The following USP54 variants were observed in gnomAD, a reference collection of about 807,000 sequenced individuals.
The protein encoded by USP54 is ubiquitin carboxyl-terminal hydrolase 54.
USP54 carries 87 observed loss-of-function variants against 170.5 expected under a neutral mutation model. The ratio of observed to expected loss-of-function variants is 0.51; its 90% confidence interval spans 0.43 to 0.61. The LOEUF is 0.61. Ranked by LOEUF, USP54 falls within the 20% of genes least tolerant of loss-of-function variation. The pLI is 0.00. For missense variants in USP54, 1,786 were observed against 2,047.8 expected, an observed-to-expected ratio of 0.87 and a Z score of 2.47; for synonymous variants, 655 against 742.8, an observed-to-expected ratio of 0.88 and a Z score of 1.92.
chr10:73,510,911 G>A (rs1224931100), intron 20 of USP54, among the ~76,000 whole-genome samples: 3 of 152,012 alleles, frequency 2.0e-5, no homozygotes, highest in Admixed American at 1.3e-4. Flanking sequence ...TAGGAACTAC[G>A]ATTATGTCAA....
Position 73,500,856 on chromosome 10 carries a change from C to T in USP54, c.4312-18G>A, listed in dbSNP as rs201611515. The T allele has an allele frequency of 1.0e-5, 16 of 1,580,758 alleles. No individual in the cohort carries two copies. In the Admixed American group the frequency reaches 1.8e-4, roughly 17 times the overall value. ...GATGAATCCTTATAATGAGACAAGA[C>T]AAAAAAACATAGAGATGAGGATTAA... On this transcript the variant is annotated intron_variant, in intron 22 of 23. Coordinates refer to ENST00000687698, the MANE Select transcript of USP54 (RefSeq NM_001391956.1).
Position 73,539,582 on chromosome 10 carries a change from T to G in USP54, c.837A>C (p.Arg279Ser). 6.3e-7 allele frequency: 1 copy of G among 1,598,310 alleles called. No homozygotes were observed. Among genetic ancestry groups the G allele is most frequent in the Non-Finnish European group, 8.5e-7 (1 of 1,169,900 alleles). The change falls in exon 10 of 24, where the codon AGA becomes AGC. Residue 279 changes from arginine to serine, a missense_variant. Transcript: ENST00000687698. ...TCLKLGDLFFRVTDDRAKQSE... is the reference protein window; with the variant it reads ...TCLKLGDLFFSVTDDRAKQSE... ...ATTGCTTGGCCCGGTCATCCGTCAC[T>G]CTGAAAAACAGCTGAGGGGAAAGAA...
chr10:73,536,330 GT>G lies in USP54; in HGVS notation c.1082del (p.Asp361AlafsTer81). ...DPQGTPVSTQDLPPQAEFQSY... is the reference protein window; with the variant it reads ...DPQGTPVSTQXLPPQAEFQSY... ...ACTGGAACTCAGCTTGGGGAGGCAG[GT>G]CCTGGGTGGAAACTGGGGTACCCTG... On this transcript the variant is annotated frameshift_variant, in exon 11 of 24. Coordinates refer to ENST00000687698, the MANE Select transcript of USP54 (RefSeq NM_001391956.1). LOFTEE classifies it high-confidence loss of function. 1 of 1,614,144 alleles carries G rather than the reference GT, an allele frequency of 6.2e-7. No individual in the cohort carries two copies. Among genetic ancestry groups the G allele is most frequent in the Non-Finnish European group, 8.5e-7 (1 of 1,179,992 alleles).
intron 1 of USP54, among the ~76,000 whole-genome samples, chr10:73,590,847 G>C (rs1382368931): frequency 6.6e-6 from 1 of 152,012 alleles, no homozygotes; most frequent in Non-Finnish European, 1.5e-5. Flanking sequence ...CACAAAATAG[G>C]CTCTTTTTTC....
At chr10:73,524,674 T>A (rs1487892685) in intron 16 of USP54, among the ~76,000 whole-genome samples, 1 of 152,226 alleles carries the variant, frequency 6.6e-6, no homozygotes, top group African/African-American at 2.4e-5. Context: ...GCACTTACTA[T>A]GTGCCAGAAA....
intron 15 of USP54, chr10:73,529,382 C>A: frequency 2.5e-6 from 1 of 404,396 alleles, no homozygotes; most frequent in Non-Finnish European, 4.7e-6. Flanking sequence ...ATAATCTGTA[C>A]AATGAACTCC....
intron 1 of USP54, among the ~76,000 whole-genome samples, chr10:73,612,414 T>C (rs750097853): frequency 6.6e-6 from 1 of 152,216 alleles, no homozygotes; most frequent in Non-Finnish European, 1.5e-5. Flanking sequence ...CCAGCCATCC[T>C]AGAATTTTCC....
chr10:73,517,693 G>A lies in USP54; in HGVS notation c.2733C>T (p.Ser911=), dbSNP rs374263502. 124 of 1,614,130 alleles carry A rather than the reference G, an allele frequency of 7.7e-5. No homozygotes were observed. The African/African-American group carries it at 1.3e-3, about 17-fold the overall frequency. ...VLLSQEAQLE[S]GMDTEFGASS... is the part of the protein sequence containing the mutation. The stretch of plus-strand genomic sequence containing the variant: ...TGGCCCCAAACTCTGTATCCATGCC[G>A]GATTCCAGTTGGGCCTCTTGGCTTA... Residue 911 remains serine, a synonymous_variant, in exon 20 of 24, where the codon TCC becomes TCT. Transcript: ENST00000687698.
chr10:73,609,190 G>A (rs776516331), intron 1 of USP54, among the ~76,000 whole-genome samples: 21 of 152,132 alleles, frequency 1.4e-4, no homozygotes, highest in Non-Finnish European at 2.6e-4. Flanking sequence ...GATCTTCAAT[G>A]ACCATGAGTA....
At chr10:73,553,164 G>C (rs779884471) in intron 4 of USP54, 2 of 152,330 alleles carry the variant, frequency 1.3e-5, no homozygotes, top group Non-Finnish European at 1.5e-5. Flanking sequence ...CAATAGATCT[G>C]GCTCCCCAGT....
At chr10:73,523,049 T>C (rs893179776) in intron 17 of USP54, among the ~76,000 whole-genome samples, 1 of 152,182 alleles carries the variant, frequency 6.6e-6, no homozygotes, top group African/African-American at 2.4e-5. Context: ...CCTAAAAAAA[T>C]TCTAGGAAGA....
intron 4 of USP54, among the ~76,000 whole-genome samples, chr10:73,548,282 G>A (rs1456820330): frequency 6.6e-6 from 1 of 152,166 alleles, no homozygotes; most frequent in Non-Finnish European, 1.5e-5. Flanking sequence ...CACTGTTGGT[G>A]GGAGTGTAAA....
In USP54 at chr10:73,516,494, T is replaced by C; in HGVS notation, c.3932A>G (p.Asp1311Gly). 6.2e-7 allele frequency: 1 copy of C among 1,614,212 alleles called. No homozygotes were observed. Among genetic ancestry groups the C allele is most frequent in the Non-Finnish European group, 8.5e-7 (1 of 1,180,046 alleles). ...HILLHPHWNQ[D>G]TEQETSELES... Reference sequence around the variant, plus strand: ...CAATTCTGAGGTCTCCTGCTCTGTGTCTTGGTTCCAATGTGGATGCAAAAG... The same window carrying C: ...CAATTCTGAGGTCTCCTGCTCTGTGCCTTGGTTCCAATGTGGATGCAAAAG... Residue 1311 changes from aspartate (D) to glycine (G), a missense_variant, in exon 20 of 24, where the codon GAC (aspartate) becomes GGC (glycine). By Grantham distance (94) the Asp-to-Gly change is moderately conservative. Around this residue, in one of 3 missense-constraint regions of USP54, gnomAD observed 1,418 missense variants for 1,569.0 expected, o/e 0.90. Transcript: ENST00000687698.
Position 73,516,658 on chromosome 10 carries a change from A to G in USP54, c.3768T>C (p.Thr1256=), listed in dbSNP as rs558894133. ...TCACCCAGGAATCCAAAGGCAAGGAAGTCCCCAAGTCAGTACTGCTGCCCA... is the reference window on the plus strand; with the variant it reads ...TCACCCAGGAATCCAAAGGCAAGGAGGTCCCCAAGTCAGTACTGCTGCCCA... ...KDLGSSTDLG[T]SLPLDSWVNI... is the part of the protein sequence containing the mutation. Residue 1256 remains threonine, a synonymous_variant, in exon 20 of 24, where the codon ACT becomes ACC. Coordinates refer to ENST00000687698, the MANE Select transcript of USP54 (RefSeq NM_001391956.1). The G allele has an allele frequency of 1.9e-6, 3 of 1,614,252 alleles. No homozygotes were observed. The South Asian group carries it at 3.3e-5, about 18-fold the overall frequency.
rs747331403 is a variant in USP54 at position 73,571,455 on chromosome 10, C to A, written c.206G>T (p.Cys69Phe). 1.2e-6 allele frequency: 2 copies of A among 1,613,946 alleles called. No homozygotes were observed. Among genetic ancestry groups the A allele is most frequent in the Non-Finnish European group, 1.7e-6 (2 of 1,179,922 alleles). ...GCAAAAGATGCAGGAATCTCCCATG[C>A]ACTTGTGAGTTGTAAGCTGCCTAAA... ...RSFRQLTTHK[C>F]MGDSCIFCAL... is the part of the protein sequence containing the mutation. Residue 69 changes from cysteine (C) to phenylalanine (F), a missense_variant, in exon 4 of 24, where the codon TGC becomes TTC. Around this residue, in one of 3 missense-constraint regions of USP54, gnomAD observed 361 missense variants for 455.0 expected, o/e 0.79. Transcript: ENST00000687698.
chr10:73,583,865 C>A (rs1247294497), intron 1 of USP54, among the ~76,000 whole-genome samples: 4 of 152,048 alleles, frequency 2.6e-5, no homozygotes, highest in Non-Finnish European at 5.9e-5. Context: ...TAGTGTTATA[C>A]CAATACTATT....
chr10:73,616,722 G>A (rs1228126147), intron 1 of USP54, among the ~76,000 whole-genome samples: 1 of 150,414 alleles, frequency 6.6e-6, no homozygotes, highest in Non-Finnish European at 1.5e-5. Context: ...CTCCTCAGGA[G>A]GCTGAGGCAC....
At position 73,621,236 on chromosome 10, in the gene USP54, GA is replaced by G. The variant is rs796534655; in HGVS notation, c.-18+4330del. On this transcript the variant is annotated intron_variant, in intron 1 of 22. Coordinates refer to the USP54 transcript ENST00000339859. ...TACTTTGGACTTTGGAATATAGAGT[GA>G]AAAAAAAAACCTGAAAGCAAATATA... Among the ~76,000 whole-genome samples the G allele has an allele frequency of 4.2e-4, 60 of 142,992 alleles. 5 individuals are homozygous for G. The highest frequency in any genetic ancestry group is 1.4e-3 in the African/African-American group (52 of 37,378). 93.8% of individuals were successfully genotyped at this position (142,992 alleles called of 152,430 possible).
intron 11 of USP54, 50 bp from the exon 12 acceptor site, chr10:73,534,820 A>T: frequency 6.4e-7 from 1 of 1,554,246 alleles, no homozygotes; most frequent in South Asian, 1.1e-5. Context: ...ACAGAACAGT[A>T]GCAAAGAGAA....
Sources: gnomAD v4.1 joint callset for allele counts (sites outside exome capture counted in the v4.1 genomes callset) on GRCh38, gnomAD v4.1.1 for gene constraint, gnomAD v4.1.1 regional missense constraint, MANE v1.5 for transcripts, NCBI Gene and HGNC (gene_info 2026-07-23, HGNC 2026-07-21) for gene names.